ABCC4: variants seen among roughly 807,000 people sequenced by gnomAD.
The protein encoded by ABCC4 is ATP binding cassette subfamily C member 4 (PEL blood group).
In ABCC4, 102 loss-of-function variants were observed where a neutral mutation model predicts 168.5. The observed-to-expected ratio is 0.61, with a 90% confidence interval of 0.52 to 0.71. The LOEUF is 0.71. ABCC4 is among the 30% of genes least tolerant of loss of function. The pLI, the probability that ABCC4 is intolerant of heterozygous loss-of-function variation, is 0.00. For synonymous variants in ABCC4, 617 were observed against 590.7 expected, an observed-to-expected ratio of 1.04 and a Z score of -0.65; for missense variants, 1,402 against 1,605.8, an observed-to-expected ratio of 0.87 and a Z score of 2.17.
intron 19 of ABCC4, among the ~76,000 whole-genome samples, chr13:95,123,213 A>G (rs2035636747): frequency 1.3e-5 from 2 of 152,188 alleles, no homozygotes; most frequent in African/African-American, 4.8e-5. Context: ...CTGGGTAACA[A>G]TAATCTCCTA....
chr13:95,281,416 C>A (rs7324283), intron 1 of ABCC4, among the ~76,000 whole-genome samples: 95,045 of 151,466 alleles, frequency 0.63, 30,921 homozygotes, highest in Middle Eastern at 0.72. Flanking sequence ...CAAGACACAC[C>A]TCATCTGGCA....
intron 30 of ABCC4, among the ~76,000 whole-genome samples, chr13:95,030,084 G>A (rs1444823169): frequency 1.3e-5 from 2 of 152,074 alleles, no homozygotes; most frequent in Non-Finnish European, 2.9e-5. Flanking sequence ...GCAGTCGTGT[G>A]ACGTAGGCTC....
chr13:95,208,013 T>C (rs2038831878), intron 6 of ABCC4, 88 bp from the exon 7 acceptor site: 15 of 1,487,228 alleles, frequency 1.0e-5, no homozygotes, highest in Non-Finnish European at 1.4e-5. Context: ...CTGCATCACA[T>C]GGTTCCCTAC....
intron 19 of ABCC4, among the ~76,000 whole-genome samples, chr13:95,126,741 A>ATATATATATATG (rs1566443651): frequency 8.3e-6 from 1 of 120,210 alleles, no homozygotes. Context: ...ATATATATAT[A>ATATATATATATG]TATATATATA....
intron 19 of ABCC4, among the ~76,000 whole-genome samples, chr13:95,119,450 G>GAA (rs1266879835): frequency 1.3e-5 from 2 of 152,128 alleles, no homozygotes; most frequent in Middle Eastern, 3.4e-3. Context: ...GAGAGAGAGA[G>GAA]AAACCAAGCT....
At chr13:95,125,606 G>A (rs541956709) in intron 19 of ABCC4, among the ~76,000 whole-genome samples, 1 of 152,250 alleles carries the variant, frequency 6.6e-6, no homozygotes, top group African/African-American at 2.4e-5. Context: ...GAAAGTCCAG[G>A]GGCTCCAGTT....
chr13:95,286,498 G>A (rs1395787623), intron 1 of ABCC4, among the ~76,000 whole-genome samples: 1 of 150,838 alleles, frequency 6.6e-6, no homozygotes, highest in Non-Finnish European at 1.5e-5. Context: ...GCCCACTTCT[G>A]AGTATGAATT....
Position 95,163,149 on chromosome 13 carries a change from G to T in ABCC4, c.2281C>A (p.Leu761Ile). ...GAATAAATTCCTAAGTACCAGTTAA[G>T]ATCTAGCTTCTCGGTTACATTTCCT... ...GGGNVTEKLD[L>I]NWYLGIYSGL... The change falls in exon 18 of 31, where the codon CTT (leucine) becomes ATT (isoleucine). Residue 761 changes from leucine to isoleucine, a missense_variant. Leu to Ile is a conservative substitution (Grantham distance 5). Around this residue, in one of 3 missense-constraint regions of ABCC4, gnomAD observed 1,007 missense variants for 1,127.3 expected, o/e 0.89. Transcript: ENST00000645237. 1 of 1,612,722 alleles carries T rather than the reference G, an allele frequency of 6.2e-7. No individual in the cohort carries two copies. The highest frequency in any genetic ancestry group is 1.1e-5 in the South Asian group (1 of 90,988).
At chr13:95,029,167 CATATATATATATATAT>C (rs67576340) in intron 30 of ABCC4, among the ~76,000 whole-genome samples, 4,781 of 82,700 alleles carry the variant, frequency 0.058, 320 homozygotes, top group Non-Finnish European at 0.066. Flanking sequence ...AAAAAAAATA[CATATATATATATATAT>C]ATATATATAT....
intron 21 of ABCC4, among the ~76,000 whole-genome samples, chr13:95,082,191 A>T (rs1239427058): frequency 3.9e-5 from 6 of 152,166 alleles, no homozygotes; most frequent in Non-Finnish European, 8.8e-5. Context: ...TTCTGATACA[A>T]ATATCTTCCT....
intron 1 of ABCC4, among the ~76,000 whole-genome samples, chr13:95,275,873 C>A (rs73548855): frequency 0.012 from 1,856 of 152,120 alleles, 33 homozygotes; most frequent in African/African-American, 0.042. Context: ...ATAAATCATA[C>A]ACTTTTCTAA....
At chr13:95,232,155 G>GTGA (rs1188025896) in intron 4 of ABCC4, among the ~76,000 whole-genome samples, 1 of 151,580 alleles carries the variant, frequency 6.6e-6, no homozygotes, top group Non-Finnish European at 1.5e-5. Flanking sequence ...GGTGGTGGTG[G>GTGA]TGATGATGAT....
At chr13:95,294,428 A>G (rs914407896) in intron 1 of ABCC4, among the ~76,000 whole-genome samples, 11 of 152,140 alleles carry the variant, frequency 7.2e-5, no homozygotes, top group Non-Finnish European at 1.0e-4. Flanking sequence ...TGGGCCATCT[A>G]GGGTGGTGAA....
At chr13:95,203,791 A>C (rs1218278233) in intron 8 of ABCC4, among the ~76,000 whole-genome samples, 1 of 152,034 alleles carries the variant, frequency 6.6e-6, no homozygotes, top group East Asian at 1.9e-4. Flanking sequence ...ACTCTGAAAA[A>C]AATCCAGCTC....
chr13:95,147,885 T>G (rs1467891509), intron 19 of ABCC4, among the ~76,000 whole-genome samples: 4 of 152,154 alleles, frequency 2.6e-5, no homozygotes, highest in African/African-American at 9.7e-5. Context: ...GAGCTCTCAT[T>G]GTAAAACCAA....
chr13:95,267,152 G>A (rs1448737948), intron 1 of ABCC4, among the ~76,000 whole-genome samples: 2 of 152,048 alleles, frequency 1.3e-5, no homozygotes, highest in Admixed American at 6.6e-5. Context: ...AAAGTGCTGG[G>A]ACTACAGGTG....
In ABCC4 at chr13:95,247,723, A is replaced by G. The variant is rs141301666; in HGVS notation, c.105T>C (p.His35=). 6.8e-6 allele frequency: 11 copies of G among 1,614,046 alleles called. No individual in the cohort carries two copies. Among genetic ancestry groups the G allele is most frequent in the Middle Eastern group, 1.6e-4 (1 of 6,062 alleles). The stretch of plus-strand genomic sequence containing the variant: ...TATCATCTTCCTCTAATCTCCGTTT[A>G]TGGCCAATTTTAAACAAGGGATTGA... ...WWLNPLFKIG[H]KRRLEEDDMY... The change falls in exon 2 of 31, where the codon CAT becomes CAC. Residue 35 remains histidine (H), a synonymous_variant. Transcript: ENST00000645237.
chr13:95,280,275 G>C (rs1475503350), intron 1 of ABCC4, among the ~76,000 whole-genome samples: 1 of 151,862 alleles, frequency 6.6e-6, no homozygotes, highest in African/African-American at 2.4e-5. Flanking sequence ...AAATTAACCA[G>C]GTGTGGTGGC....
At chr13:95,071,895 T>C in intron 24 of ABCC4, 42 bp from the exon 25 acceptor site, 1 of 1,350,584 alleles carries the variant, frequency 7.4e-7, no homozygotes, top group Non-Finnish European at 9.8e-7. Flanking sequence ...GAATGGAGGG[T>C]GTCATTTATG....
Sources: gnomAD v4.1 joint callset for allele counts (sites outside exome capture counted in the v4.1 genomes callset) on GRCh38, gnomAD v4.1.1 for gene constraint, gnomAD v4.1.1 regional missense constraint, MANE v1.5 for transcripts, NCBI Gene and HGNC (gene_info 2026-07-23, HGNC 2026-07-21) for gene names.